The following CHST11 variants were observed in gnomAD, a reference collection of about 807,000 sequenced individuals.
The protein encoded by CHST11 is carbohydrate sulfotransferase 11.
A neutral mutation model predicts 30.4 loss-of-function variants in CHST11; 9 were observed. The ratio of observed to expected loss-of-function variants is 0.30; its 90% CI spans 0.18 to 0.52. The LOEUF (loss-of-function observed/expected upper bound fraction) is 0.52. Among genes scored for constraint, CHST11 ranks in the 20% least tolerant of loss-of-function variants. CHST11 has a pLI of 0.97. For synonymous variants in CHST11, 152 were observed against 187.8 expected (o/e 0.81, Z 1.56); for missense variants, 348 against 460.6 (o/e 0.76, Z 2.24).
intron 1 of CHST11, among the ~76,000 whole-genome samples, chr12:104,590,049 C>A (rs1704898): frequency 0.59 from 86,211 of 146,712 alleles, 24,842 homozygotes; most frequent in East Asian, 0.79. Context: ...GAAGATGCCT[C>A]ACCCTAGCTG....
chr12:104,663,686 A>T lies in CHST11; in HGVS notation c.204+61695A>T, dbSNP rs543427635. 5.1e-4 allele frequency among the ~76,000 whole-genome samples: 78 copies of T among 152,288 alleles called. 3 individuals are homozygous for T. The South Asian group carries it at 0.016, about 31-fold the overall frequency. On this transcript the variant is annotated intron_variant, in intron 2 of 2. Transcript: ENST00000303694. ...AAATCTTACTAGGAATGGTTTGCCC[A>T]AGTGCATTGTGCCGTTGTAGAGAGC...
At chr12:104,680,297 C>T (rs1182014518) in intron 2 of CHST11, among the ~76,000 whole-genome samples, 1 of 152,232 alleles carries the variant, frequency 6.6e-6, no homozygotes, top group African/African-American at 2.4e-5. Flanking sequence ...ATGCAAATGC[C>T]ATGGGGACAT....
intron 1 of CHST11, among the ~76,000 whole-genome samples, chr12:104,506,303 T>C (rs2037904185): frequency 6.6e-6 from 1 of 152,186 alleles, no homozygotes; most frequent in Non-Finnish European, 1.5e-5. Context: ...AAGTCCAACA[T>C]TGCCACGTAT....
intron 1 of CHST11, among the ~76,000 whole-genome samples, chr12:104,488,426 T>C (rs1220786851): frequency 6.7e-6 from 1 of 150,174 alleles, no homozygotes; most frequent in Non-Finnish European, 1.5e-5. Flanking sequence ...TGTGTCTATG[T>C]ATGTGTATGC....
rs143608697 is a variant in CHST11, at chr12:104,618,292, T to C, written c.204+16301T>C. On this transcript the variant is annotated intron_variant, in intron 2 of 2. Transcript: ENST00000303694. ...AGGCTGGAGTGCAGTGGCGCGATCA[T>C]GGCTCACTGCAGGTTTGGCTTCCTG... is the stretch of plus-strand genomic sequence containing the variant. Among the ~76,000 whole-genome samples, 246 of 150,446 alleles carry C rather than the reference T, an allele frequency of 1.6e-3. 2 individuals are homozygous for C. Among genetic ancestry groups the C allele is most frequent in the Middle Eastern group, 6.9e-3 (2 of 290 alleles).
At chr12:104,601,047 A>C (rs1238881231) in intron 1 of CHST11, among the ~76,000 whole-genome samples, 52 of 119,172 alleles carry the variant, frequency 4.4e-4, no homozygotes, top group African/African-American at 1.3e-3. Context: ...CTCCCTCTCT[A>C]CTGCTCTCTT....
chr12:104,619,217 CCTGGATTGTCAGCTT>C (rs1278841391), intron 2 of CHST11, among the ~76,000 whole-genome samples: 2 of 152,314 alleles, frequency 1.3e-5, no homozygotes, highest in East Asian at 3.9e-4. Flanking sequence ...CTCTCGGTTT[CCTGGATTGTCAGCTT>C]CTCCTAGAAA....
intron 2 of CHST11, among the ~76,000 whole-genome samples, chr12:104,745,261 G>T (rs1394534090): frequency 6.6e-6 from 1 of 152,112 alleles, no homozygotes; most frequent in Non-Finnish European, 1.5e-5. Flanking sequence ...TAGGTGTGTG[G>T]TCCTATTTCT....
Position 104,623,906 on chromosome 12 carries a change from C to G in CHST11, c.204+21915C>G, listed in dbSNP as rs112634655. Among the ~76,000 whole-genome samples, 1,379 of 152,282 alleles carry G rather than the reference C, an allele frequency of 9.1e-3. 27 individuals carry two copies. Among genetic ancestry groups the G allele is most frequent in the African/African-American group, 0.031 (1,295 of 41,546 alleles). ...CCCGTTGCTGTCATGTGATGTTTCT[C>G]TAGCCACGAAGCCTTGTGTAGTCTG... is the stretch of plus-strand genomic sequence containing the variant. On this transcript the variant is annotated intron_variant, in intron 2 of 2. Transcript: ENST00000303694.
At chr12:104,648,235 T>C (rs1232855353) in intron 2 of CHST11, among the ~76,000 whole-genome samples, 1 of 152,228 alleles carries the variant, frequency 6.6e-6, no homozygotes, top group Admixed American at 6.5e-5. Flanking sequence ...TTCACTCTCA[T>C]AGGGCACGTA....
intron 2 of CHST11, among the ~76,000 whole-genome samples, chr12:104,607,507 A>G (rs1358940494): frequency 6.6e-6 from 1 of 152,142 alleles, no homozygotes; most frequent in Non-Finnish European, 1.5e-5. Flanking sequence ...GAGAATCAGG[A>G]GTGAGTGGTT....
chr12:104,540,470 A>G (rs144978905), intron 1 of CHST11, among the ~76,000 whole-genome samples: 314 of 152,332 alleles, frequency 2.1e-3, no homozygotes, highest in African/African-American at 7.3e-3. Context: ...GGGGAGAGCC[A>G]TATTTTTTGT....
chr12:104,709,099 G>T (rs573916096), intron 2 of CHST11, among the ~76,000 whole-genome samples: 1 of 152,222 alleles, frequency 6.6e-6, no homozygotes, highest in Non-Finnish European at 1.5e-5. Flanking sequence ...TGCCTTCAGA[G>T]CAAGACAAAG....
At chr12:104,593,329 A>C (rs2038878228) in intron 1 of CHST11, among the ~76,000 whole-genome samples, 1 of 152,060 alleles carries the variant, frequency 6.6e-6, no homozygotes, top group Non-Finnish European at 1.5e-5. Flanking sequence ...AAGGAGAGAG[A>C]GATTTGGGAA....
chr12:104,655,166 T>C (rs2039531165), intron 2 of CHST11, among the ~76,000 whole-genome samples: 1 of 152,240 alleles, frequency 6.6e-6, no homozygotes, highest in African/African-American at 2.4e-5. Context: ...CTTTGTCAAG[T>C]TGACGGGGAA....
At position 104,578,351 on chromosome 12, in the gene CHST11, A is replaced by C. The variant is rs530620757; in HGVS notation, c.119-23555A>C. On this transcript the variant is annotated intron_variant, in intron 1 of 2. Coordinates refer to ENST00000303694, the MANE Select transcript of CHST11 (RefSeq NM_018413.6). ...ATACACCTAACGATAAGTTTTCCTG[A>C]ATTGAATATTCTTCCGAAAATCATT... Among the ~76,000 whole-genome samples, 76 of 152,302 alleles carry C rather than the reference A, an allele frequency of 5.0e-4. 2 individuals are homozygous for C. The highest frequency in any genetic ancestry group is 1.7e-3 in the African/African-American group (70 of 41,552).
At chr12:104,558,343 T>C (rs770837355) in intron 1 of CHST11, among the ~76,000 whole-genome samples, 1 of 152,090 alleles carries the variant, frequency 6.6e-6, no homozygotes, top group Non-Finnish European at 1.5e-5. Flanking sequence ...TCTGTACCTG[T>C]CTTTATGATT....
At chr12:104,543,686 C>A in intron 1 of CHST11, among the ~76,000 whole-genome samples, 1 of 152,112 alleles carries the variant, frequency 6.6e-6, no homozygotes, top group Middle Eastern at 3.2e-3. Flanking sequence ...TGAGACCTGA[C>A]GACAGTCACT....
At chr12:104,748,168 G>A (rs2040403227) in intron 2 of CHST11, among the ~76,000 whole-genome samples, 4 of 152,236 alleles carry the variant, frequency 2.6e-5, no homozygotes, top group Admixed American at 2.6e-4. Flanking sequence ...TGGGGCTGGG[G>A]GTGGATCTAG....
Sources: gnomAD v4.1 joint callset for allele counts (sites outside exome capture counted in the v4.1 genomes callset) on GRCh38, gnomAD v4.1.1 for gene constraint, MANE v1.5 for transcripts, NCBI Gene and HGNC (gene_info 2026-07-23, HGNC 2026-07-21) for gene names.